The following SYCP2 variants were observed in gnomAD, a reference collection of about 807,000 sequenced individuals.
SYCP2 encodes the protein synaptonemal complex protein 2, also known as synaptonemal complex lateral element protein.
A neutral mutation model predicts 211.3 loss-of-function variants in SYCP2; 55 were observed. That is an observed-to-expected ratio of 0.26 (90% CI 0.21 to 0.33). The LOEUF is 0.33. SYCP2 is among the 10% of genes least tolerant of loss of function. The pLI is 1.00. For synonymous variants in SYCP2, 570 were observed against 555.2 expected, an observed-to-expected ratio of 1.03 and a Z score of -0.37; for missense variants, 1,731 against 1,752.0, an observed-to-expected ratio of 0.99 and a Z score of 0.21.
chr20:59,931,089 A>G (rs1382695417), intron 2 of SYCP2, among the ~76,000 whole-genome samples: 1 of 152,236 alleles, frequency 6.6e-6, no homozygotes, highest in Non-Finnish European at 1.5e-5. Flanking sequence ...AAATGCATTC[A>G]GTTATCTTTG....
chr20:59,902,827 T>A, intron 15 of SYCP2, among the ~76,000 whole-genome samples: 1 of 152,290 alleles, frequency 6.6e-6, no homozygotes, highest in African/African-American at 2.4e-5. Flanking sequence ...AGTAGTTTTT[T>A]AAAAGTTAAA....
At chr20:59,894,183 C>G (rs529901590) in intron 20 of SYCP2, among the ~76,000 whole-genome samples, 1 of 151,980 alleles carries the variant, frequency 6.6e-6, no homozygotes, top group African/African-American at 2.4e-5. Context: ...TTAGTCTAAG[C>G]TATTTTGCCT....
chr20:59,873,939 T>C lies in SYCP2; in HGVS notation c.3472A>G (p.Thr1158Ala), dbSNP rs1430291063. ...SLNSNSGVGG[T>A]IKSPKNNEKN... ...TCATTGTTTTTGGGTGACTTTATTGTACCTCCAACTCCACTGTTACTATTT... is the reference window on the plus strand; with the variant it reads ...TCATTGTTTTTGGGTGACTTTATTGCACCTCCAACTCCACTGTTACTATTT... Residue 1158 changes from threonine to alanine, a missense_variant, in exon 35 of 45, where the codon ACA becomes GCA. Thr to Ala is a moderately conservative substitution (Grantham distance 58, BLOSUM62 0). This residue lies in a region of SYCP2 where 1,387 missense variants were observed against 1,351.3 expected (regional missense o/e 1.03). Transcript: ENST00000357552. 5 of 1,613,256 alleles carry C rather than the reference T, an allele frequency of 3.1e-6. No homozygotes were observed. Among genetic ancestry groups the C allele is most frequent in the Admixed American group, 1.7e-5 (1 of 59,914 alleles).
At chr20:59,916,596 A>G in intron 7 of SYCP2, 25 bp from the exon 8 acceptor site, 1 of 1,410,502 alleles carries the variant, frequency 7.1e-7, no homozygotes, top group African/African-American at 1.4e-5. Flanking sequence ...TAAATTATTG[A>G]TAAATGTTCA....
At chr20:59,925,707 A>G (rs2060622152) in intron 2 of SYCP2, among the ~76,000 whole-genome samples, 1 of 152,050 alleles carries the variant, frequency 6.6e-6, no homozygotes. Flanking sequence ...TATAATTGAC[A>G]TCTTTGATTC....
intron 15 of SYCP2, among the ~76,000 whole-genome samples, chr20:59,905,363 GCTCA>G (rs372323611): frequency 3.5e-4 from 54 of 152,240 alleles, no homozygotes; most frequent in Middle Eastern, 3.4e-3. Context: ...CATTACAAAT[GCTCA>G]CTAACAGGTG....
rs1004418988 is a variant in SYCP2 at position 59,933,626 on chromosome 20, T to G, written c.-197A>C. The G allele has an allele frequency of 6.6e-6, 1 of 151,890 alleles. No individual in the cohort carries two copies. Among genetic ancestry groups the G allele is most frequent in the Non-Finnish European group, 1.5e-5 (1 of 68,008 alleles). 9.4% of individuals were successfully genotyped at this position (151,890 alleles called of 1,614,324 possible). On this transcript the variant is annotated 5_prime_UTR_variant, in exon 1 of 45. Transcript: ENST00000357552. Reference sequence around the variant, plus strand: ...GAGCCGCCCCCTATGCCGCCGAGCGTCGCAACTCTGCGCCTCAGGGACCGC... The same window carrying G: ...GAGCCGCCCCCTATGCCGCCGAGCGGCGCAACTCTGCGCCTCAGGGACCGC...
At chr20:59,902,739 C>T (rs992004393) in intron 15 of SYCP2, among the ~76,000 whole-genome samples, 6 of 152,098 alleles carry the variant, frequency 3.9e-5, no homozygotes, top group Non-Finnish European at 7.4e-5. Flanking sequence ...AAAACTTTCA[C>T]AGTAATGACC....
At chr20:59,924,387 G>C (rs1178239881) in intron 2 of SYCP2, among the ~76,000 whole-genome samples, 1 of 151,926 alleles carries the variant, frequency 6.6e-6, no homozygotes, top group Non-Finnish European at 1.5e-5. Context: ...AGAAATTTGT[G>C]TGTTTTTCTC....
At chr20:59,902,810 G>A (rs76511097) in intron 15 of SYCP2, among the ~76,000 whole-genome samples, 3,121 of 152,198 alleles carry the variant, frequency 0.021, 96 homozygotes, top group African/African-American at 0.07. Context: ...CAAACTCAAA[G>A]AGCGCTAGTA....
rs2059395255 is a variant in SYCP2, at chr20:59,868,630, T to G, written c.3833-62A>C. 2.0e-6 allele frequency: 3 copies of G among 1,497,578 alleles called. No individual in the cohort carries two copies. The East Asian group carries it at 7.0e-5, about 35-fold the overall frequency. The allele number at this position is 1,497,578 out of a possible 1,614,324, so 92.8% of individuals were successfully genotyped here. A position where few individuals can be genotyped will look rare whatever the true frequency, so the allele number is the denominator to read the frequency against. The stretch of plus-strand genomic sequence containing the variant: ...TTTTCATTAAAAATACCTCATATTT[T>G]CTTGCTTTTATTTTAAAAAGGCTTT... On this transcript the variant is annotated intron_variant, in intron 37 of 44. Coordinates refer to ENST00000357552, the MANE Select transcript of SYCP2 (RefSeq NM_014258.4).
chr20:59,876,798 ATATAAG>A (rs2059569588), intron 33 of SYCP2, among the ~76,000 whole-genome samples: 1 of 152,202 alleles, frequency 6.6e-6, no homozygotes, highest in African/African-American at 2.4e-5. Flanking sequence ...TAAAATAGTA[ATATAAG>A]TATATATATT....
chr20:59,933,552 C>T lies in SYCP2; in HGVS notation c.-140+17G>A, dbSNP rs369312602. ...CCGCCGTGGGGGAAGCCCACCCAGG[C>T]ACTCTGCTCAACCTGCCTGCGGCAG... On this transcript the variant is annotated intron_variant, in intron 1 of 44. Coordinates refer to ENST00000357552, the MANE Select transcript of SYCP2 (RefSeq NM_014258.4). 1 of 152,236 alleles carries T rather than the reference C, an allele frequency of 6.6e-6. No individual in the cohort carries two copies. Among genetic ancestry groups the T allele is most frequent in the African/African-American group, 2.4e-5 (1 of 41,442 alleles). 9.4% of individuals were successfully genotyped at this position (152,236 alleles called of 1,614,324 possible). A position where few individuals can be genotyped will look rare whatever the true frequency, so the allele number is the denominator to read the frequency against.
chr20:59,917,384 A>G (rs1353914011), intron 7 of SYCP2, among the ~76,000 whole-genome samples: 1 of 152,208 alleles, frequency 6.6e-6, no homozygotes, highest in Non-Finnish European at 1.5e-5. Context: ...TCATAATGCA[A>G]ATTTTAAAAA....
chr20:59,926,864 T>A (rs987858527), intron 2 of SYCP2, among the ~76,000 whole-genome samples: 1 of 152,156 alleles, frequency 6.6e-6, no homozygotes, highest in Non-Finnish European at 1.5e-5. Flanking sequence ...CAGGGTGACA[T>A]AATTATAGAA....
rs531846813 is a variant in SYCP2 at position 59,891,917 on chromosome 20, G to C, written c.2364+73C>G. 15 of 1,308,232 alleles carry C rather than the reference G, an allele frequency of 1.1e-5. No homozygotes were observed. In the African/African-American group the frequency reaches 2.1e-4, roughly 18 times the overall value. 81.0% of individuals were successfully genotyped at this position (1,308,232 alleles called of 1,614,324 possible). On this transcript the variant is annotated intron_variant, in intron 24 of 44. Transcript: ENST00000357552. The stretch of plus-strand genomic sequence containing the variant: ...TGTTAAATGTGTAGCAATTAATCAA[G>C]TTTCTTTCTTTCTTATGTTATCAAG...
intron 2 of SYCP2, among the ~76,000 whole-genome samples, chr20:59,930,258 A>G (rs2060712102): frequency 6.6e-6 from 1 of 151,016 alleles, no homozygotes. Context: ...CGAATTTTCC[A>G]TAATAATAAA....
intron 18 of SYCP2, among the ~76,000 whole-genome samples, chr20:59,898,252 A>G (rs996887567): frequency 9.2e-5 from 14 of 152,244 alleles, no homozygotes; most frequent in Non-Finnish European, 1.3e-4. Flanking sequence ...TCATTCTAAC[A>G]TAAAGACACA....
chr20:59,932,721 C>G (rs1373240226), intron 1 of SYCP2, among the ~76,000 whole-genome samples: 1 of 152,126 alleles, frequency 6.6e-6, no homozygotes, highest in Non-Finnish European at 1.5e-5. Context: ...TTCGCAGATG[C>G]TCGGCCAGCC....
Sources: allele counts gnomAD v4.1 joint callset (sites outside exome capture counted in the v4.1 genomes callset), GRCh38; gene constraint gnomAD v4.1.1; regional missense constraint gnomAD v4.1.1; transcripts MANE v1.5; gene names NCBI Gene and HGNC (gene_info 2026-07-23, HGNC 2026-07-21).